The following PIEZO2 variants were observed in gnomAD, a reference collection of about 807,000 sequenced individuals.
PIEZO2 encodes piezo type mechanosensitive ion channel component 2, also known as piezo-type mechanosensitive ion channel component 2.
In PIEZO2, 172 loss-of-function variants were observed where a neutral mutation model predicts 337.3. The ratio of observed to expected loss-of-function variants is 0.51; its 90% CI spans 0.45 to 0.58. The LOEUF is 0.58. Ranked by LOEUF, PIEZO2 falls within the 20% of genes least tolerant of loss-of-function variation. The pLI, the probability that PIEZO2 is intolerant of heterozygous loss-of-function variation, is 0.00. For synonymous variants in PIEZO2, 1,251 were observed against 1,228.5 expected, an observed-to-expected ratio of 1.02 and a Z score of -0.38; for missense variants, 3,028 against 3,391.3, an observed-to-expected ratio of 0.89 and a Z score of 2.66.
chr18:10,728,252 T>C (rs1169076016), intron 36 of PIEZO2: 2 of 152,664 alleles, frequency 1.3e-5, no homozygotes, highest in African/African-American at 2.4e-5. Context: ...TGGACACTCT[T>C]GTCCCTCACA....
At chr18:11,040,864 C>A (rs2145806274) in intron 2 of PIEZO2, among the ~76,000 whole-genome samples, 1 of 152,260 alleles carries the variant, frequency 6.6e-6, no homozygotes, top group Admixed American at 6.5e-5. Context: ...ATTCAAACCT[C>A]AAATAACACT....
In PIEZO2 at chr18:11,048,909, C is replaced by T. The variant is rs1402098043; in HGVS notation, c.160+17218G>A. 2.6e-5 allele frequency among the ~76,000 whole-genome samples: 4 copies of T among 152,270 alleles called. No individual in the cohort carries two copies. Among genetic ancestry groups the T allele is most frequent in the African/African-American group, 4.8e-5 (2 of 41,558 alleles). ...AAATTTTCATCTCAAAAGGCTATTT[C>T]CTGTGAATCAACTCAAATTCAAATG... is the stretch of plus-strand genomic sequence containing the variant. On this transcript the variant is annotated intron_variant, in intron 2 of 55. Coordinates refer to ENST00000674853, the MANE Select transcript of PIEZO2 (RefSeq NM_001378183.1). This position sits in a 1 kb window ranked among gnomAD's most constrained non-coding sequence, Gnocchi z 4.5.
intron 3 of PIEZO2, among the ~76,000 whole-genome samples, chr18:10,912,122 A>C (rs908700068): frequency 6.6e-6 from 1 of 152,142 alleles, no homozygotes; most frequent in Non-Finnish European, 1.5e-5. Context: ...ACTGATATCA[A>C]GAACAGTATA....
Position 11,131,231 on chromosome 18 carries a change from C to G in PIEZO2, c.64+17294G>C, listed in dbSNP as rs1008904491. On this transcript the variant is annotated intron_variant, in intron 1 of 55. Coordinates refer to ENST00000674853, the MANE Select transcript of PIEZO2 (RefSeq NM_001378183.1). The surrounding 1 kb of genome is among the most constrained non-coding windows in gnomAD (Gnocchi z 5.3). ...CTTTCTGACCCATCTAGCCATAAAG[C>G]GTGTCATGCACAGCAGCATTCCATC... is the stretch of plus-strand genomic sequence containing the variant. Among the ~76,000 whole-genome samples the G allele has an allele frequency of 6.6e-6, 1 of 152,180 alleles. No individual in the cohort carries two copies. Among genetic ancestry groups the G allele is most frequent in the African/African-American group, 2.4e-5 (1 of 41,446 alleles).
At chr18:10,683,529 A>G (rs1375810831) in intron 49 of PIEZO2, among the ~76,000 whole-genome samples, 1 of 152,260 alleles carries the variant, frequency 6.6e-6, no homozygotes, top group Non-Finnish European at 1.5e-5. Context: ...TTTCAACAGC[A>G]TCAAATATGG....
intron 36 of PIEZO2, among the ~76,000 whole-genome samples, chr18:10,723,258 C>T (rs769985341): frequency 3.3e-5 from 5 of 152,108 alleles, no homozygotes; most frequent in Non-Finnish European, 5.9e-5. Flanking sequence ...TGAGCCACCG[C>T]GCCTGGCCTC....
intron 3 of PIEZO2, among the ~76,000 whole-genome samples, chr18:10,916,379 A>G (rs1317914861): frequency 6.6e-6 from 1 of 152,082 alleles, no homozygotes; most frequent in African/African-American, 2.4e-5. Context: ...GCTGCAGCCA[A>G]CCGCGGTAGG....
At chr18:10,972,107 A>G (rs2034260974) in intron 3 of PIEZO2, among the ~76,000 whole-genome samples, 1 of 151,594 alleles carries the variant, frequency 6.6e-6, no homozygotes, top group Non-Finnish European at 1.5e-5. Flanking sequence ...AGCCTGGCCA[A>G]CATGGTGAAA....
At chr18:11,023,705 C>A (rs561046474) in intron 2 of PIEZO2, among the ~76,000 whole-genome samples, 82 of 152,332 alleles carry the variant, frequency 5.4e-4, no homozygotes, top group Non-Finnish European at 1.0e-3. Flanking sequence ...GGGGGCGGCG[C>A]TCGTCCGGGA....
chr18:10,756,874 T>G (rs982463191), intron 27 of PIEZO2, among the ~76,000 whole-genome samples: 2 of 113,742 alleles, frequency 1.8e-5, no homozygotes, highest in African/African-American at 8.0e-5. Context: ...GGGATGGAGA[T>G]GAGGAGGAAG....
chr18:11,087,502 G>T (rs966623485), intron 1 of PIEZO2, among the ~76,000 whole-genome samples: 6 of 151,970 alleles, frequency 3.9e-5, no homozygotes, highest in Admixed American at 2.6e-4. Flanking sequence ...CTGTGCAAAT[G>T]GGTAAGAACA....
chr18:10,921,850 G>A (rs868535795), intron 3 of PIEZO2, among the ~76,000 whole-genome samples: 9 of 152,216 alleles, frequency 5.9e-5, no homozygotes, highest in East Asian at 1.9e-4. Flanking sequence ...GAGTGTGGCC[G>A]TCTTCTATGG....
chr18:11,076,496 C>T (rs2038550510), intron 1 of PIEZO2, among the ~76,000 whole-genome samples: 2 of 151,768 alleles, frequency 1.3e-5, no homozygotes, highest in Admixed American at 6.6e-5. Context: ...TTCCAAACAA[C>T]TGGAGATACT....
chr18:10,670,320 C>A lies in PIEZO2; in HGVS notation c.*1207G>T, dbSNP rs1398136412. On this transcript the variant is annotated 3_prime_UTR_variant, in exon 56 of 56. Transcript: ENST00000674853. The stretch of plus-strand genomic sequence containing the variant: ...ACACAGGATCAATTTTTGACATATT[C>A]TAGTCCATTCAATGATTCTTCTCAG... 1 of 152,112 alleles carries A rather than the reference C, an allele frequency of 6.6e-6. No homozygotes were observed. Among genetic ancestry groups the A allele is most frequent in the African/African-American group, 2.4e-5 (1 of 41,428 alleles). 9.4% of individuals were successfully genotyped at this position (152,112 alleles called of 1,614,324 possible).
chr18:10,698,166 T>A (rs1437665638), intron 44 of PIEZO2, among the ~76,000 whole-genome samples: 1 of 152,254 alleles, frequency 6.6e-6, no homozygotes, highest in Non-Finnish European at 1.5e-5. Context: ...GGTACTAGGA[T>A]GCAGGTGTTC....
At chr18:11,121,858 G>T (rs1287870172) in intron 1 of PIEZO2, among the ~76,000 whole-genome samples, 1 of 152,016 alleles carries the variant, frequency 6.6e-6, no homozygotes, top group Non-Finnish European at 1.5e-5. Context: ...AGTTCTCCTT[G>T]TTCTCTGCTC....
At position 10,773,658 on chromosome 18, in the gene PIEZO2, G is replaced by A. The variant is rs1325858366; in HGVS notation, c.2568-29C>T. ...TTGGCAGAGAGCAGCTGAGTCAGAAGAGGAAAGGGTGTTGGGAGAGATTTG... is the reference window on the plus strand; with the variant it reads ...TTGGCAGAGAGCAGCTGAGTCAGAAAAGGAAAGGGTGTTGGGAGAGATTTG... On this transcript the variant is annotated intron_variant, in intron 19 of 55. Transcript: ENST00000674853. This position sits in a 1 kb window ranked among gnomAD's most constrained non-coding sequence, Gnocchi z 5.3. 1.3e-6 allele frequency: 2 copies of A among 1,531,774 alleles called. No individual in the cohort carries two copies. Among genetic ancestry groups the A allele is most frequent in the Non-Finnish European group, 1.8e-6 (2 of 1,142,120 alleles). 94.9% of individuals were successfully genotyped at this position (1,531,774 alleles called of 1,614,324 possible).
intron 2 of PIEZO2, among the ~76,000 whole-genome samples, chr18:11,051,475 C>G (rs1317892622): frequency 6.6e-6 from 1 of 151,956 alleles, no homozygotes; most frequent in Non-Finnish European, 1.5e-5. Flanking sequence ...TAGTGTTGCC[C>G]AGGAAGTGTA....
intron 3 of PIEZO2, among the ~76,000 whole-genome samples, chr18:10,918,663 TCTTTTATTTTTG>T (rs987560376): frequency 1.3e-4 from 20 of 152,062 alleles, no homozygotes; most frequent in African/African-American, 4.8e-4. Context: ...ATACTAAAAA[TCTTTTATTTTTG>T]CATAGACTCC....
Sources: allele counts gnomAD v4.1 joint callset (sites outside exome capture counted in the v4.1 genomes callset), GRCh38; gene constraint gnomAD v4.1.1; non-coding constraint Gnocchi (gnomAD v3.1); transcripts MANE v1.5; gene names NCBI Gene and HGNC (gene_info 2026-07-23, HGNC 2026-07-21).